Variants in KANK1 observed in about 807,000 individuals in gnomAD.
KANK1 encodes the protein KN motif and ankyrin repeat domain-containing protein 1.
A neutral mutation model predicts 106.2 loss-of-function variants in KANK1; 109 were observed. That is an observed-to-expected ratio of 1.03 (90% CI 0.88 to 1.20). The LOEUF is 1.20. Ranked by LOEUF, KANK1 falls within the 50% of genes most tolerant of loss-of-function variation. KANK1 has a pLI of 0.00. For missense variants in KANK1, 2,399 were observed against 1,710.7 expected, an observed-to-expected ratio of 1.40 and a Z score of -7.10; for synonymous variants, 873 against 652.2, an observed-to-expected ratio of 1.34 and a Z score of -5.16.
rs547905794 is a variant in KANK1 at position 542,177 on chromosome 9, A to G, written c.-84+37423A>G. Among the ~76,000 whole-genome samples, 8 of 152,116 alleles carry G rather than the reference A, an allele frequency of 5.3e-5. No homozygotes were observed. In the South Asian group the frequency reaches 1.7e-3, roughly 32 times the overall value. ...AACAGATACATGAAAAGTGCTCAATATCACTAATCAGGGAAATGCAAATTA... is the reference window on the plus strand; with the variant it reads ...AACAGATACATGAAAAGTGCTCAATGTCACTAATCAGGGAAATGCAAATTA... On this transcript the variant is annotated intron_variant, in intron 1 of 11. Transcript: ENST00000382297.
At chr9:642,901 G>C (rs925630151) in intron 1 of KANK1, among the ~76,000 whole-genome samples, 1 of 150,100 alleles carries the variant, frequency 6.7e-6, no homozygotes, top group East Asian at 1.9e-4. Flanking sequence ...TCGAAGTAAT[G>C]GCAATGGTAA....
At chr9:521,590 C>T (rs1371881725) in intron 1 of KANK1, among the ~76,000 whole-genome samples, 10 of 126,750 alleles carry the variant, frequency 7.9e-5, no homozygotes, top group African/African-American at 3.1e-4. Flanking sequence ...TTTTTGGAGA[C>T]AGAGTTTTGC....
chr9:554,525 C>G (rs1467044992), intron 1 of KANK1, among the ~76,000 whole-genome samples: 1 of 152,118 alleles, frequency 6.6e-6, no homozygotes, highest in Non-Finnish European at 1.5e-5. Context: ...CTGTTGGAGG[C>G]TAAAGCAAAT....
chr9:532,612 G>A lies in KANK1; in HGVS notation c.-84+27858G>A, dbSNP rs191619637. On this transcript the variant is annotated intron_variant, in intron 1 of 11. Coordinates refer to ENST00000382297, the MANE Select transcript of KANK1 (RefSeq NM_015158.5). ...TATTTTTAAATTTAGACATATAGTT[G>A]ATACTCAGAAGCTTAACATTCCTTA... is the stretch of plus-strand genomic sequence containing the variant. 1.6e-4 allele frequency among the ~76,000 whole-genome samples: 25 copies of A among 152,088 alleles called. 1 individual carries two copies. Among genetic ancestry groups the A allele is most frequent in the East Asian group, 1.5e-3 (8 of 5,176 alleles).
intron 1 of KANK1, among the ~76,000 whole-genome samples, chr9:602,660 C>G (rs901895912): frequency 6.6e-6 from 1 of 151,802 alleles, no homozygotes; most frequent in Non-Finnish European, 1.5e-5. Flanking sequence ...AATAAAGTAA[C>G]TCTTTTTGCA....
At chr9:656,054 G>A (rs1481977702) in intron 1 of KANK1, among the ~76,000 whole-genome samples, 1 of 152,178 alleles carries the variant, frequency 6.6e-6, no homozygotes, top group African/African-American at 2.4e-5. Flanking sequence ...CTCGTTGCAG[G>A]AGCTAGTCAC....
intron 1 of KANK1, among the ~76,000 whole-genome samples, chr9:608,972 G>T (rs1644302199): frequency 6.6e-6 from 1 of 152,176 alleles, no homozygotes; most frequent in African/African-American, 2.4e-5. Context: ...CACGCTTGTT[G>T]TTAGCTTTCG....
intron 1 of KANK1, among the ~76,000 whole-genome samples, chr9:595,111 T>C (rs1160770041): frequency 6.6e-6 from 1 of 151,910 alleles, no homozygotes; most frequent in Non-Finnish European, 1.5e-5. Context: ...AAACAAATAA[T>C]ATAAATTAAA....
At chr9:648,016 T>C (rs1159459829) in intron 1 of KANK1, among the ~76,000 whole-genome samples, 5 of 146,976 alleles carry the variant, frequency 3.4e-5, no homozygotes, top group Non-Finnish European at 7.4e-5. Context: ...TTTTTTTTTT[T>C]TTTGATACAG....
chr9:720,458 C>G (rs900404681), intron 3 of KANK1, among the ~76,000 whole-genome samples: 1 of 152,222 alleles, frequency 6.6e-6, no homozygotes, highest in Non-Finnish European at 1.5e-5. Context: ...TGTCCTCACA[C>G]GTGAACCTCC....
intron 1 of KANK1, among the ~76,000 whole-genome samples, chr9:525,663 G>A (rs761466364): frequency 5.9e-5 from 9 of 151,814 alleles, no homozygotes; most frequent in Non-Finnish European, 1.0e-4. Flanking sequence ...ACAAAAAGCC[G>A]TAGAATTTCA....
chr9:721,514 A>T (rs994859139), intron 3 of KANK1, among the ~76,000 whole-genome samples: 2 of 152,214 alleles, frequency 1.3e-5, no homozygotes, highest in Non-Finnish European at 2.9e-5. Context: ...TTTGGAAATA[A>T]ATTGGTCCCA....
intron 2 of KANK1, among the ~76,000 whole-genome samples, chr9:706,140 C>G (rs1824096947): frequency 6.6e-6 from 1 of 152,072 alleles, no homozygotes. Flanking sequence ...AAAATGACAC[C>G]TTGAAAACAC....
chr9:695,093 G>C (rs745875), intron 2 of KANK1, among the ~76,000 whole-genome samples: 114,330 of 152,024 alleles, frequency 0.75, 43,139 homozygotes, highest in Middle Eastern at 0.82. Flanking sequence ...CATGGCTCGT[G>C]CATGAACTAG....
At chr9:689,727 T>C (rs1397246034) in intron 2 of KANK1, among the ~76,000 whole-genome samples, 1 of 146,906 alleles carries the variant, frequency 6.8e-6, no homozygotes, top group African/African-American at 2.5e-5. Context: ...CCCAAGCACC[T>C]AAGGGGAGGG....
At chr9:481,531 G>GTC (rs2058204153) in intron 3 of KANK1, among the ~76,000 whole-genome samples, 1 of 152,148 alleles carries the variant, frequency 6.6e-6, no homozygotes, top group Admixed American at 6.5e-5. Context: ...ATTGAATGTG[G>GTC]TCTCCATCCT....
chr9:720,230 G>C (rs1208728116), intron 3 of KANK1, among the ~76,000 whole-genome samples: 2 of 152,202 alleles, frequency 1.3e-5, no homozygotes, highest in African/African-American at 4.8e-5. Context: ...CCACTCTGCT[G>C]TCCATTAACT....
chr9:675,864 A>T lies in KANK1; in HGVS notation c.-83-1026A>T, dbSNP rs140111749. Among the ~76,000 whole-genome samples the T allele has an allele frequency of 1.2e-3, 179 of 152,290 alleles. 6 individuals are homozygous for T. Among genetic ancestry groups the T allele is most frequent in the African/African-American group, 4.2e-3 (173 of 41,550 alleles). ...ACACAGTTACTTCTTGATGCTAAAC[A>T]AGAGGTGGATTATTCTTGTGTTTTG... On this transcript the variant is annotated intron_variant, in intron 1 of 11. Transcript: ENST00000382297.
intron 2 of KANK1, chr9:684,226 A>C (rs1818112439): frequency 3.0e-6 from 3 of 985,414 alleles, no homozygotes; most frequent in South Asian, 9.4e-5. Flanking sequence ...GATTTCAGAC[A>C]GGCGATTAGC....
Sources: gnomAD v4.1 joint callset for allele counts (sites outside exome capture counted in the v4.1 genomes callset) on GRCh38, gnomAD v4.1.1 for gene constraint, MANE v1.5 for transcripts, NCBI Gene and HGNC (gene_info 2026-07-23, HGNC 2026-07-21) for gene names.